The following ROR2 variants were observed in gnomAD, a reference collection of about 807,000 sequenced individuals.
The protein encoded by ROR2 is ROR family WNT receptor 2, also known as tyrosine-protein kinase transmembrane receptor ROR2.
In ROR2, 33 loss-of-function variants were observed where a neutral mutation model predicts 74.9. The observed-to-expected ratio is 0.44, with a 90% CI of 0.33 to 0.59. The LOEUF (loss-of-function observed/expected upper bound fraction) is 0.59, where lower values mean the gene tolerates loss of function less well. ROR2 is among the 20% of genes least tolerant of loss of function. The pLI, the probability that ROR2 is intolerant of heterozygous loss-of-function variation, is 0.02. For missense variants in ROR2, 1,216 were observed against 1,313.8 expected (o/e 0.93, Z 1.15); for synonymous variants, 586 against 558.7 (o/e 1.05, Z -0.69).
At chr9:91,934,466 C>G (rs1020877271) in intron 1 of ROR2, among the ~76,000 whole-genome samples, 2 of 152,184 alleles carry the variant, frequency 1.3e-5, no homozygotes, top group African/African-American at 4.8e-5. Flanking sequence ...CCCCAGCAAC[C>G]CACCCACCCA....
intron 2 of ROR2, among the ~76,000 whole-genome samples, chr9:91,769,963 CA>C (rs1228096589): frequency 6.6e-6 from 1 of 152,222 alleles, no homozygotes; most frequent in Non-Finnish European, 1.5e-5. Context: ...TCAGGGGCCA[CA>C]TCCTCCCAGA....
At chr9:91,848,808 T>G (rs559481045) in intron 1 of ROR2, among the ~76,000 whole-genome samples, 19 of 151,200 alleles carry the variant, frequency 1.3e-4, no homozygotes, top group African/African-American at 4.6e-4. Flanking sequence ...AAGGCTGTAG[T>G]TGAAATACTG....
chr9:91,858,517 A>C (rs894433344), intron 1 of ROR2, among the ~76,000 whole-genome samples: 1 of 152,210 alleles, frequency 6.6e-6, no homozygotes. Context: ...GAAAGGCAGA[A>C]TCTCAGACTC....
chr9:91,922,848 AG>A (rs1831307544), intron 1 of ROR2, among the ~76,000 whole-genome samples: 1 of 152,050 alleles, frequency 6.6e-6, no homozygotes, highest in Non-Finnish European at 1.5e-5. Flanking sequence ...TCAGCTGCAT[AG>A]CTGCTGCATC....
At chr9:91,756,297 C>T (rs956871282) in intron 3 of ROR2, among the ~76,000 whole-genome samples, 196 bp from the exon 4 acceptor site, 1 of 152,222 alleles carries the variant, frequency 6.6e-6, no homozygotes, top group African/African-American at 2.4e-5. Flanking sequence ...TGCTTTGTCA[C>T]TGAGGATATC....
intron 1 of ROR2, among the ~76,000 whole-genome samples, chr9:91,776,781 G>C (rs1002532832): frequency 1.3e-5 from 2 of 152,140 alleles, no homozygotes; most frequent in African/African-American, 2.4e-5. Flanking sequence ...TTTAAATGTA[G>C]AGAGACCACA....
chr9:91,808,775 G>A (rs911076960), intron 1 of ROR2, among the ~76,000 whole-genome samples: 3 of 151,784 alleles, frequency 2.0e-5, no homozygotes, highest in East Asian at 4.0e-4. Context: ...TGGCTAACAC[G>A]GTGAAACTAA....
chr9:91,898,269 C>T (rs1471406151), intron 1 of ROR2, among the ~76,000 whole-genome samples: 2 of 152,194 alleles, frequency 1.3e-5, no homozygotes, highest in Admixed American at 6.5e-5. Context: ...GACCTGTGGC[C>T]AACTAAGAGC....
chr9:91,914,677 C>G (rs1026541626), intron 1 of ROR2, among the ~76,000 whole-genome samples: 1 of 152,212 alleles, frequency 6.6e-6, no homozygotes, highest in Non-Finnish European at 1.5e-5. Flanking sequence ...GCCCCCCTTA[C>G]ATCTCATTGG....
At chr9:91,881,890 G>T (rs1239527768) in intron 1 of ROR2, among the ~76,000 whole-genome samples, 1 of 152,192 alleles carries the variant, frequency 6.6e-6, no homozygotes, top group Non-Finnish European at 1.5e-5. Flanking sequence ...GGGCTTGAAA[G>T]AAAGTTCTAC....
At chr9:91,726,441 T>C (rs991411156) in intron 8 of ROR2, 100 bp downstream of exon 8, 2 of 1,109,500 alleles carry the variant, frequency 1.8e-6, no homozygotes, top group African/African-American at 3.1e-5. Context: ...AATTATGTGC[T>C]ATGTATCAAG....
At chr9:91,767,353 G>A (rs1156357746) in intron 2 of ROR2, among the ~76,000 whole-genome samples, 2 of 152,198 alleles carry the variant, frequency 1.3e-5, no homozygotes, top group African/African-American at 2.4e-5. Context: ...GATTACAGGT[G>A]TGAGCCACCA....
chr9:91,792,181 A>T (rs1827004746), intron 1 of ROR2, among the ~76,000 whole-genome samples: 1 of 152,242 alleles, frequency 6.6e-6, no homozygotes, highest in South Asian at 2.1e-4. Flanking sequence ...AAGGAATTAG[A>T]GAAGGAAGAA....
At chr9:91,939,018 A>G (rs1448831113) in intron 1 of ROR2, among the ~76,000 whole-genome samples, 1 of 152,184 alleles carries the variant, frequency 6.6e-6, no homozygotes, top group Non-Finnish European at 1.5e-5. Context: ...TGGGAGGCCA[A>G]GGCGGGTGGA....
chr9:91,868,807 G>A (rs569474847), intron 1 of ROR2, among the ~76,000 whole-genome samples: 9 of 152,310 alleles, frequency 5.9e-5, no homozygotes, highest in Middle Eastern at 3.4e-3. Context: ...TGGAATAAGC[G>A]CTGAAGGAAG....
intron 2 of ROR2, among the ~76,000 whole-genome samples, chr9:91,760,898 A>G (rs1825894966): frequency 6.6e-6 from 1 of 152,206 alleles, no homozygotes; most frequent in Non-Finnish European, 1.5e-5. Context: ...ATTTTTAGGT[A>G]GATTTCTAGC....
chr9:91,899,782 G>A (rs921403672), intron 1 of ROR2, among the ~76,000 whole-genome samples: 9 of 151,956 alleles, frequency 5.9e-5, no homozygotes, highest in African/African-American at 2.2e-4. Flanking sequence ...CACAACACAT[G>A]CGCCACAATC....
intron 1 of ROR2, among the ~76,000 whole-genome samples, chr9:91,847,449 T>C (rs566954024): frequency 1.3e-5 from 2 of 152,302 alleles, no homozygotes; most frequent in South Asian, 4.1e-4. Flanking sequence ...GCAGGCTTCA[T>C]TTGCATACCA....
intron 1 of ROR2, among the ~76,000 whole-genome samples, chr9:91,778,293 C>T (rs902611876): frequency 5.3e-5 from 8 of 152,240 alleles, no homozygotes; most frequent in African/African-American, 1.9e-4. Flanking sequence ...TCGTTCCTGA[C>T]CGAATGACTT....
Sources: gnomAD v4.1 joint callset for allele counts (sites outside exome capture counted in the v4.1 genomes callset) on GRCh38, gnomAD v4.1.1 for gene constraint, MANE v1.5 for transcripts, NCBI Gene and HGNC (gene_info 2026-07-23, HGNC 2026-07-21) for gene names.